The following RAB22A variants were observed in gnomAD, a reference collection of about 807,000 sequenced individuals.
RAB22A encodes ras-related protein Rab-22A.
In RAB22A, 13 loss-of-function variants were observed where a neutral mutation model predicts 30.2. That is an observed-to-expected ratio of 0.43 (90% confidence interval 0.28 to 0.68). The LOEUF is 0.68. RAB22A is among the 30% of genes least tolerant of loss of function. RAB22A has a pLI of 0.18. For synonymous variants in RAB22A, 89 were observed against 87.2 expected (o/e 1.02, Z -0.11); for missense variants, 177 against 246.8 (o/e 0.72, Z 1.89).
chr20:58,321,469 A>C (rs1986459051), intron 2 of RAB22A, among the ~76,000 whole-genome samples: 1 of 152,162 alleles, frequency 6.6e-6, no homozygotes, highest in African/African-American at 2.4e-5. Flanking sequence ...GTCTTTGTGA[A>C]TGTTCCATGT....
At chr20:58,312,203 C>CCTCA (rs1458589483) in intron 2 of RAB22A, among the ~76,000 whole-genome samples, 3 of 151,978 alleles carry the variant, frequency 2.0e-5, no homozygotes, top group Non-Finnish European at 4.4e-5. Flanking sequence ...GATCTGCCCA[C>CCTCA]CTCAACCTCT....
intron 2 of RAB22A, among the ~76,000 whole-genome samples, chr20:58,318,978 G>T (rs536955159): frequency 3.9e-5 from 6 of 152,280 alleles, no homozygotes; most frequent in Admixed American, 2.0e-4. Flanking sequence ...TTAGAATGGT[G>T]TATGTCGTAT....
chr20:58,350,173 A>G (rs1252517350), intron 3 of RAB22A, among the ~76,000 whole-genome samples: 1 of 152,254 alleles, frequency 6.6e-6, no homozygotes, highest in Non-Finnish European at 1.5e-5. Context: ...CTAATAAAGA[A>G]TCACATGAAA....
chr20:58,332,961 A>G (rs1400086806), intron 2 of RAB22A, among the ~76,000 whole-genome samples: 1 of 152,104 alleles, frequency 6.6e-6, no homozygotes, highest in East Asian at 1.9e-4. Context: ...ATAATGATAC[A>G]GCATCTTTAA....
rs116662935 is a variant in RAB22A at position 58,351,487 on chromosome 20, A to G, written c.199-1786A>G. 7.4e-3 allele frequency among the ~76,000 whole-genome samples: 1,131 copies of G among 152,228 alleles called. 12 individuals are homozygous for G. Among genetic ancestry groups the G allele is most frequent in the African/African-American group, 0.026 (1,085 of 41,544 alleles). ...AAAATTCAAGCAATGCAAAAGAGGA[A>G]AAGAACGGAGGAGCAGGAATTTTAA... On this transcript the variant is annotated intron_variant, in intron 3 of 6. Coordinates refer to ENST00000244040, the MANE Select transcript of RAB22A (RefSeq NM_020673.3).
At chr20:58,335,950 G>T (rs1486269160) in intron 2 of RAB22A, among the ~76,000 whole-genome samples, 2 of 152,082 alleles carry the variant, frequency 1.3e-5, no homozygotes, top group Admixed American at 6.6e-5. Context: ...TCTTTGTCCA[G>T]GATCATTTCC....
chr20:58,338,249 A>G (rs1317981683), intron 2 of RAB22A, among the ~76,000 whole-genome samples: 3 of 151,308 alleles, frequency 2.0e-5, no homozygotes, highest in Non-Finnish European at 2.9e-5. Context: ...CTGGTCTTGA[A>G]CTCCTGACCT....
chr20:58,359,664 C>G lies in RAB22A; in HGVS notation c.546C>G (p.Leu182=). The change falls in exon 7 of 7, where the codon CTC becomes CTG. Residue 182 remains leucine (L), a synonymous_variant. Transcript: ENST00000244040. ...CATCTGGCGGTAAGGGCTTCAAACT[C>G]CGAAGACAGCCTTCAGAGCCAAAGC... ...NLPSGGKGFK[L]RRQPSEPKRS... The G allele has an allele frequency of 3.1e-6, 5 of 1,613,030 alleles. No homozygotes were observed. The highest frequency in any genetic ancestry group is 4.2e-6 in the Non-Finnish European group (5 of 1,179,136).
intron 2 of RAB22A, 116 bp downstream of exon 2, chr20:58,311,238 T>C: frequency 2.1e-6 from 2 of 972,718 alleles, no homozygotes; most frequent in Non-Finnish European, 3.3e-6. Flanking sequence ...GAGTCGCTGG[T>C]TCGCATCATC....
At chr20:58,318,745 T>C (rs1986393855) in intron 2 of RAB22A, among the ~76,000 whole-genome samples, 1 of 152,152 alleles carries the variant, frequency 6.6e-6, no homozygotes, top group Non-Finnish European at 1.5e-5. Context: ...ACATTTGCCC[T>C]CCCTCCATCT....
At chr20:58,352,634 G>T (rs1216813162) in intron 3 of RAB22A, among the ~76,000 whole-genome samples, 1 of 152,164 alleles carries the variant, frequency 6.6e-6, no homozygotes, top group African/African-American at 2.4e-5. Context: ...TTTCCTCCCT[G>T]TTGTGTGTCA....
intron 2 of RAB22A, among the ~76,000 whole-genome samples, chr20:58,335,506 A>G (rs1986733933): frequency 6.6e-6 from 1 of 152,350 alleles, no homozygotes; most frequent in Middle Eastern, 3.4e-3. Flanking sequence ...AGAAAAAAAA[A>G]TCAAAGGTAT....
At chr20:58,319,911 T>TG (rs1986418676) in intron 2 of RAB22A, among the ~76,000 whole-genome samples, 1 of 152,232 alleles carries the variant, frequency 6.6e-6, no homozygotes, top group African/African-American at 2.4e-5. Context: ...GTTAAAATGG[T>TG]GCATTACAAC....
At chr20:58,311,478 CAT>C (rs1986225240) in intron 2 of RAB22A, among the ~76,000 whole-genome samples, 1 of 152,152 alleles carries the variant, frequency 6.6e-6, no homozygotes, top group Non-Finnish European at 1.5e-5. Flanking sequence ...AAGTAAAAGA[CAT>C]TTAAATGGTT....
intron 6 of RAB22A, among the ~76,000 whole-genome samples, chr20:58,359,338 A>G (rs1156992870): frequency 6.6e-6 from 1 of 152,138 alleles, no homozygotes; most frequent in East Asian, 1.9e-4. Flanking sequence ...TCTGGAGTTA[A>G]TAGTGATGTG....
At chr20:58,350,578 A>G (rs1987031362) in intron 3 of RAB22A, among the ~76,000 whole-genome samples, 1 of 152,234 alleles carries the variant, frequency 6.6e-6, no homozygotes, top group African/African-American at 2.4e-5. Flanking sequence ...GAACAACAAT[A>G]TGAATGATGG....
intron 2 of RAB22A, among the ~76,000 whole-genome samples, chr20:58,320,811 T>G (rs1343210991): frequency 6.6e-6 from 1 of 152,230 alleles, no homozygotes; most frequent in East Asian, 1.9e-4. Flanking sequence ...ATCCTAGCAC[T>G]TTGGGAGGCC....
Position 58,349,125 on chromosome 20 carries a change from C to G in RAB22A, c.199-4148C>G, listed in dbSNP as rs1987001184. ...TTGCATCAAAAGGACATGAAAGTTT[C>G]CATGTCAGTAATAGCGAGTGGCTTG... On this transcript the variant is annotated intron_variant, in intron 3 of 6. Coordinates refer to ENST00000244040, the MANE Select transcript of RAB22A (RefSeq NM_020673.3). Among the ~76,000 whole-genome samples the G allele has an allele frequency of 2.4e-5, 3 of 123,150 alleles. No homozygotes were observed. In the South Asian group the frequency reaches 9.4e-4, roughly 38 times the overall value. 80.8% of individuals were successfully genotyped at this position (123,150 alleles called of 152,430 possible). A position where few individuals can be genotyped will look rare whatever the true frequency, so the allele number is the denominator to read the frequency against.
chr20:58,333,822 A>G (rs1381353882), intron 2 of RAB22A, among the ~76,000 whole-genome samples: 1 of 152,144 alleles, frequency 6.6e-6, no homozygotes, highest in African/African-American at 2.4e-5. Flanking sequence ...TGGGAGGCCA[A>G]GTTAAGGGAT....
Sources: allele counts gnomAD v4.1 joint callset (sites outside exome capture counted in the v4.1 genomes callset), GRCh38; gene constraint gnomAD v4.1.1; transcripts MANE v1.5; gene names NCBI Gene and HGNC (gene_info 2026-07-23, HGNC 2026-07-21).